The following PACRG variants were observed in gnomAD, a reference collection of about 807,000 sequenced individuals.
PACRG encodes the protein parkin coregulated.
In PACRG, 29 loss-of-function variants were observed where a neutral mutation model predicts 29.7. That is an observed-to-expected ratio of 0.98 (90% CI 0.73 to 1.33). The LOEUF (loss-of-function observed/expected upper bound fraction) is 1.33. PACRG is among the 40% of genes most tolerant of loss of function. The probability of loss-of-function intolerance (pLI) is 0.00; values close to 1 mark genes in which losing one functional copy is unlikely to be tolerated. For synonymous variants in PACRG, 116 were observed against 118.7 expected (o/e 0.98, Z 0.15); for missense variants, 279 against 316.2 (o/e 0.88, Z 0.89).
chr6:163,156,070 T>C (rs1778302307), intron 4 of PACRG, among the ~76,000 whole-genome samples: 1 of 152,192 alleles, frequency 6.6e-6, no homozygotes, highest in Non-Finnish European at 1.5e-5. Context: ...CTCGCCGCCG[T>C]GTGCGGAAAG....
intron 4 of PACRG, among the ~76,000 whole-genome samples, chr6:163,274,750 T>C (rs1049980985): frequency 3.9e-5 from 6 of 152,236 alleles, no homozygotes; most frequent in African/African-American, 1.4e-4. Context: ...GTTCTATAAT[T>C]TGGGACTGTA....
intron 4 of PACRG, among the ~76,000 whole-genome samples, chr6:163,118,915 C>T (rs1249044117): frequency 1.3e-5 from 2 of 152,144 alleles, no homozygotes; most frequent in Non-Finnish European, 2.9e-5. Context: ...ACTCTGAAAA[C>T]AGAACACATA....
At chr6:162,814,060 A>G in intron 1 of PACRG, 87 bp from the exon 2 acceptor site, 1 of 1,374,032 alleles carries the variant, frequency 7.3e-7, no homozygotes, top group Non-Finnish European at 9.8e-7. Flanking sequence ...ATACAAACTG[A>G]AATCTTTAAA....
In PACRG at chr6:162,941,225, C is replaced by T. The variant is rs191695621; in HGVS notation, c.292-120925C>T. On this transcript the variant is annotated intron_variant, in intron 2 of 4. Coordinates refer to ENST00000366888, the MANE Select transcript of PACRG (RefSeq NM_001080379.2). ...GATTGGGTGGCTTGTTTTCCTCCTTCTTCTCTCCAGTAGTCCCAAGGATTT... is the reference window on the plus strand; with the variant it reads ...GATTGGGTGGCTTGTTTTCCTCCTTTTTCTCTCCAGTAGTCCCAAGGATTT... 1.3e-3 allele frequency among the ~76,000 whole-genome samples: 200 copies of T among 152,300 alleles called. 2 individuals are homozygous for T. The highest frequency in any genetic ancestry group is 4.6e-3 in the African/African-American group (190 of 41,568).
intron 2 of PACRG, among the ~76,000 whole-genome samples, chr6:162,855,196 G>GT (rs770400677): frequency 2.6e-5 from 4 of 152,200 alleles, no homozygotes; most frequent in Non-Finnish European, 2.9e-5. Context: ...CTGACACCTG[G>GT]TAGAGCTGTT....
intron 2 of PACRG, among the ~76,000 whole-genome samples, chr6:162,934,930 TATGAAGGATA>T (rs1313655651): frequency 6.6e-6 from 1 of 152,196 alleles, no homozygotes; most frequent in Non-Finnish European, 1.5e-5. Flanking sequence ...TTCATTTATT[TATGAAGGATA>T]GCTTTGCTGG....
At chr6:163,035,467 T>C (rs1442981821) in intron 2 of PACRG, among the ~76,000 whole-genome samples, 2 of 151,970 alleles carry the variant, frequency 1.3e-5, no homozygotes, top group Admixed American at 6.6e-5. Flanking sequence ...GCCAACATGG[T>C]GAAATTCCGT....
intron 2 of PACRG, among the ~76,000 whole-genome samples, chr6:162,852,903 A>C (rs1791046408): frequency 6.6e-6 from 1 of 152,174 alleles, no homozygotes; most frequent in Admixed American, 6.5e-5. Context: ...ATTTTCTTGA[A>C]AGCCAAAAAC....
intron 2 of PACRG, among the ~76,000 whole-genome samples, chr6:162,943,139 G>C (rs547469165): frequency 6.6e-6 from 1 of 152,170 alleles, no homozygotes; most frequent in Admixed American, 6.5e-5. Context: ...CTCTGTGACC[G>C]CATTGCTCGA....
At chr6:163,255,446 C>A (rs1171272956) in intron 4 of PACRG, among the ~76,000 whole-genome samples, 2 of 152,114 alleles carry the variant, frequency 1.3e-5, no homozygotes, top group Non-Finnish European at 2.9e-5. Flanking sequence ...CACCATCCTG[C>A]AGGCCAAGAG....
intron 4 of PACRG, chr6:163,170,597 A>G (rs1176703628): frequency 6.6e-6 from 1 of 152,184 alleles, no homozygotes. Flanking sequence ...CCCTGCTTTT[A>G]TTCTAAATCT....
chr6:163,314,753 T>C (rs1785579597), intron 4 of PACRG, 74 bp from the exon 5 acceptor site: 1 of 1,511,756 alleles, frequency 6.6e-7, no homozygotes, highest in African/African-American at 1.4e-5. Context: ...TCAGAGAAAA[T>C]GCCTAGACTG....
At chr6:163,299,505 C>T (rs565090318) in intron 4 of PACRG, among the ~76,000 whole-genome samples, 35 of 152,272 alleles carry the variant, frequency 2.3e-4, no homozygotes, top group Admixed American at 1.6e-3. Context: ...TTGCCTGTCC[C>T]TCAGCACTTC....
chr6:162,797,678 T>G (rs1013290368), intron 1 of PACRG, among the ~76,000 whole-genome samples: 3 of 152,266 alleles, frequency 2.0e-5, no homozygotes, highest in Middle Eastern at 6.8e-3. Flanking sequence ...TGAATTTTTT[T>G]GGGGGGGACT....
intron 2 of PACRG, among the ~76,000 whole-genome samples, chr6:162,908,185 C>T (rs1796065424): frequency 6.6e-6 from 1 of 152,182 alleles, no homozygotes; most frequent in Non-Finnish European, 1.5e-5. Flanking sequence ...AATTATAACT[C>T]TTTATACAGA....
chr6:162,899,825 G>GT (rs1410299735), intron 2 of PACRG, among the ~76,000 whole-genome samples: 10 of 152,132 alleles, frequency 6.6e-5, no homozygotes, highest in South Asian at 6.2e-4. Flanking sequence ...GTTTATTGAG[G>GT]TATTTACTTT....
At chr6:163,310,887 G>A (rs115192221) in intron 4 of PACRG, 3 of 152,174 alleles carry the variant, frequency 2.0e-5, no homozygotes, top group Admixed American at 1.3e-4. Flanking sequence ...TCCCTTCACA[G>A]CCCCAAGCTG....
intron 4 of PACRG, among the ~76,000 whole-genome samples, chr6:163,149,973 T>C (rs989253063): frequency 6.6e-6 from 1 of 152,166 alleles, no homozygotes; most frequent in South Asian, 2.1e-4. Flanking sequence ...AATTTAAAGT[T>C]CCCCATTTTT....
intron 4 of PACRG, among the ~76,000 whole-genome samples, chr6:163,237,135 C>T (rs569280557): frequency 3.9e-5 from 6 of 152,130 alleles, no homozygotes; most frequent in South Asian, 2.1e-4. Flanking sequence ...TTTTGAGATA[C>T]GTAATGTGTA....
Sources: allele counts gnomAD v4.1 joint callset (sites outside exome capture counted in the v4.1 genomes callset), GRCh38; gene constraint gnomAD v4.1.1; transcripts MANE v1.5; gene names NCBI Gene and HGNC (gene_info 2026-07-23, HGNC 2026-07-21).